Variants in DDX54 observed in about 807,000 individuals in gnomAD.
DDX54 encodes the protein ATP-dependent RNA helicase DDX54.
DDX54 carries 67 observed loss-of-function variants against 105.5 expected under a neutral mutation model. The ratio of observed to expected loss-of-function variants is 0.64; its 90% CI spans 0.52 to 0.78. The LOEUF is 0.78. Among genes scored for constraint, DDX54 ranks in the 30% least tolerant of loss-of-function variants. DDX54 has a pLI of 0.00. For missense variants in DDX54, 1,206 were observed against 1,230.5 expected (o/e 0.98, Z 0.30); for synonymous variants, 514 against 509.9 (o/e 1.01, Z -0.11).
chr12:113,168,050 C>CT, intron 12 of DDX54: 1 of 432,642 alleles, frequency 2.3e-6, no homozygotes. Flanking sequence ...TGGCGCCCGA[C>CT]TGAGGCCTCC....
chr12:113,163,390 T>G lies in DDX54; in HGVS notation c.1939-116A>C. On this transcript the variant is annotated intron_variant, in intron 15 of 19. Coordinates refer to ENST00000306014, the MANE Select transcript of DDX54 (RefSeq NM_024072.4). The surrounding 1 kb of genome is among the most constrained non-coding windows in gnomAD (Gnocchi z 5.9). ...AGGGGCCAGTGGCTTCTCGGGGACT[T>G]TCAAAGCTTCATTTTGCCATTTCTT... The G allele has an allele frequency of 7.0e-7, 1 of 1,434,684 alleles. No individual in the cohort carries two copies. The highest frequency in any genetic ancestry group is 9.2e-7 in the Non-Finnish European group (1 of 1,084,068). The allele number at this position is 1,434,684 out of a possible 1,614,324, so 88.9% of individuals were successfully genotyped here. A position where few individuals can be genotyped will look rare whatever the true frequency, so the allele number is the denominator to read the frequency against.
intron 12 of DDX54, chr12:113,167,877 C>CAGGCCCTGGGA (rs1952294935): frequency 2.2e-5 from 11 of 494,058 alleles, no homozygotes; most frequent in South Asian, 1.5e-4. Context: ...TGGCCCTGGG[C>CAGGCCCTGGGA]GCAGGGTCCA....
chr12:113,180,528 CA>C (rs1245451135), intron 2 of DDX54, among the ~76,000 whole-genome samples: 1 of 152,174 alleles, frequency 6.6e-6, no homozygotes, highest in African/African-American at 2.4e-5. Flanking sequence ...TCGCACCCAG[CA>C]CTCATCTTGA....
chr12:113,169,212 G>C (rs961547905), intron 12 of DDX54, among the ~76,000 whole-genome samples: 5 of 151,826 alleles, frequency 3.3e-5, no homozygotes, highest in Admixed American at 3.3e-4. Context: ...GTTTAAAATA[G>C]AGGGATTAGC....
Position 113,162,943 on chromosome 12 carries a change from C to T in DDX54, c.2184G>A (p.Gln728=), listed in dbSNP as rs748376684. 1.5e-5 allele frequency: 24 copies of T among 1,599,098 alleles called. No individual in the cohort carries two copies. The highest frequency in any genetic ancestry group is 1.7e-5 in the Admixed American group (1 of 58,996). ...ACTCGATCACTCACCACTTGAGCTG[C>T]TGCCGGCCCCTCGTCAGGTTCTGGG... ...DEAQNLTRGR[Q]QLKWDRKKKR... is the part of the protein sequence containing the mutation. Residue 728 remains glutamine (Q), a synonymous_variant, in exon 17 of 20, where the codon CAG becomes CAA. Coordinates refer to ENST00000306014, the MANE Select transcript of DDX54 (RefSeq NM_024072.4).
Position 113,165,809 on chromosome 12 carries a change from G to A in DDX54, c.1638C>T (p.Pro546=), listed in dbSNP as rs138916850. 14 of 1,603,618 alleles carry A rather than the reference G, an allele frequency of 8.7e-6. No individual in the cohort carries two copies. The East Asian group carries it at 2.9e-4, about 33-fold the overall frequency. The part of the protein sequence containing the change: ...EMDLVGLGLH[P]LFSSRFEEEE... ...CCTTGTAGAAGGACTCACTGAAGAGGGGGTGCAGGCCCAGCCCCACAAGGT... is the reference window on the plus strand; with the variant it reads ...CCTTGTAGAAGGACTCACTGAAGAGAGGGTGCAGGCCCAGCCCCACAAGGT... The change falls in exon 13 of 20, where the codon CCC becomes CCT. Residue 546 remains proline (P), a synonymous_variant. Coordinates refer to ENST00000306014, the MANE Select transcript of DDX54 (RefSeq NM_024072.4).
In DDX54 at chr12:113,172,661, G is replaced by C. The variant is rs1952355349; in HGVS notation, c.1069-98C>G. 3 of 1,436,088 alleles carry C rather than the reference G, an allele frequency of 2.1e-6. No individual in the cohort carries two copies. In the Admixed American group the frequency reaches 6.0e-5, roughly 29 times the overall value. 89.0% of individuals were successfully genotyped at this position (1,436,088 alleles called of 1,614,324 possible). Reference sequence around the variant, plus strand: ...CGGGGGACGGGCACTGAGGTGCAGAGACAAGACCACGGGTTCTGGAGTCTG... The same window carrying C: ...CGGGGGACGGGCACTGAGGTGCAGACACAAGACCACGGGTTCTGGAGTCTG... On this transcript the variant is annotated intron_variant, in intron 10 of 19. Coordinates refer to ENST00000306014, the MANE Select transcript of DDX54 (RefSeq NM_024072.4).
intron 12 of DDX54, among the ~76,000 whole-genome samples, chr12:113,168,127 G>T (rs1043174619): frequency 1.3e-5 from 2 of 152,232 alleles, no homozygotes; most frequent in African/African-American, 4.8e-5. Flanking sequence ...CTGTGCCCTT[G>T]CATCTGACCC....
intron 19 of DDX54, 58 bp downstream of exon 19, chr12:113,161,212 A>C: frequency 6.9e-7 from 1 of 1,441,568 alleles, no homozygotes; most frequent in Non-Finnish European, 9.6e-7. Context: ...CGTTACCCTA[A>C]TCTGACCACA....
Position 113,169,950 on chromosome 12 carries a change from G to A in DDX54, c.1280-46C>T, listed in dbSNP as rs201813236. The A allele has an allele frequency of 1.7e-4, 274 of 1,606,634 alleles. 1 individual carries two copies. In the East Asian group the frequency reaches 4.3e-3, roughly 25 times the overall value. On this transcript the variant is annotated intron_variant, in intron 11 of 19. Transcript: ENST00000306014. ...AGCTTAATTAAGCAAAGAAGGACCCGGACCCAGCATGAGTTCCACAGGCCA... is the reference window on the plus strand; with the variant it reads ...AGCTTAATTAAGCAAAGAAGGACCCAGACCCAGCATGAGTTCCACAGGCCA...
At chr12:113,181,908 C>T (rs991094233) in intron 1 of DDX54, among the ~76,000 whole-genome samples, 8 of 151,882 alleles carry the variant, frequency 5.3e-5, no homozygotes, top group Non-Finnish European at 2.9e-5. Context: ...AATCCCAGCA[C>T]TGGGAGGCTG....
rs892654795 is a variant in DDX54, at chr12:113,165,919, G to A, written c.1528C>T (p.Arg510Cys). 23 of 1,613,648 alleles carry A rather than the reference G, an allele frequency of 1.4e-5. No individual in the cohort carries two copies. Among genetic ancestry groups the A allele is most frequent in the South Asian group, 5.5e-5 (5 of 91,090 alleles). Residue 510 changes from arginine (R) to cysteine (C), a missense_variant, in exon 13 of 20, where the codon CGC (arginine) becomes TGC (cysteine). Physicochemically the swap from Arg to Cys is radical, Grantham distance 180. Coordinates refer to ENST00000306014, the MANE Select transcript of DDX54 (RefSeq NM_024072.4). Reference protein sequence around the residue: ...EASLELRGLARVADNAQQQYV... With the variant: ...EASLELRGLACVADNAQQQYV... ...TGCTGCTGGGCGTTATCAGCAACGC[G>A]GGCCAGGCCCCGTAGCTCCAGCGAT...
intron 14 of DDX54, among the ~76,000 whole-genome samples, chr12:113,164,903 T>C (rs1386601493): frequency 6.6e-6 from 1 of 151,974 alleles, no homozygotes; most frequent in Non-Finnish European, 1.5e-5. Context: ...GGCATGCACC[T>C]GTAGTCCCAG....
chr12:113,167,762 T>C (rs1018165126), intron 12 of DDX54, among the ~76,000 whole-genome samples: 1 of 152,122 alleles, frequency 6.6e-6, no homozygotes, highest in Non-Finnish European at 1.5e-5. Context: ...GCCTGGACAT[T>C]GGGGGAGGCT....
rs908374961 is a variant in DDX54 at position 113,168,673 on chromosome 12, G to A, written c.1414+1097C>T. ...CGGCTGGGCACAGTGGCTCACGCCT[G>A]TAATTCCAGCACTTTGGGAGGCCGA... On this transcript the variant is annotated intron_variant, in intron 12 of 19. Coordinates refer to ENST00000306014, the MANE Select transcript of DDX54 (RefSeq NM_024072.4). 2.6e-5 allele frequency among the ~76,000 whole-genome samples: 4 copies of A among 152,138 alleles called. No individual in the cohort carries two copies. In the East Asian group the frequency reaches 5.8e-4, roughly 22 times the overall value.
At position 113,174,652 on chromosome 12, in the gene DDX54, C is replaced by T; in HGVS notation, c.1056G>A (p.Glu352=). The change falls in exon 10 of 20, where the codon GAG becomes GAA. Residue 352 remains glutamate, a synonymous_variant. Transcript: ENST00000306014. ...VVFVATKHHA[E]YLTELLTTQR... ...GGACCCTGCTCACCTCAGTGAGGTA[C>T]TCGGCGTGGTGCTTCGTGGCCACAA... 2 of 1,611,646 alleles carry T rather than the reference C, an allele frequency of 1.2e-6. No homozygotes were observed. Among genetic ancestry groups the T allele is most frequent in the Non-Finnish European group, 1.7e-6 (2 of 1,177,952 alleles).
Position 113,185,199 on chromosome 12 carries a change from C to G in DDX54, c.174+79G>C, listed in dbSNP as rs1307457029. ...ACACTCTGCGGAGCCCAATCCCCAG[C>G]TGGGGAAACTGAGGCCTCGAGGCGC... On this transcript the variant is annotated intron_variant, in intron 1 of 19. Coordinates refer to ENST00000306014, the MANE Select transcript of DDX54 (RefSeq NM_024072.4). The G allele has an allele frequency of 2.1e-6, 3 of 1,415,812 alleles. No homozygotes were observed. The Admixed American group carries it at 8.8e-5, about 42-fold the overall frequency. 87.7% of individuals were successfully genotyped at this position (1,415,812 alleles called of 1,614,324 possible).
chr12:113,185,408 G>C lies in DDX54; in HGVS notation c.44C>G (p.Ala15Gly), dbSNP rs1341013607. 6.5e-7 allele frequency: 1 copy of C among 1,538,508 alleles called. No homozygotes were observed. Among genetic ancestry groups the C allele is most frequent in the Non-Finnish European group, 8.7e-7 (1 of 1,145,098 alleles). The part of the protein sequence containing the change: ...KGPAAGPRSR[A>G]AMAQWRKKKG... ...CTTCTTCCTCCACTGGGCCATGGCA[G>C]CTCGCGACCGAGGTCCAGCCGCCGG... The change falls in exon 1 of 20, where the codon GCT becomes GGT. Residue 15 changes from alanine to glycine, a missense_variant. Around this residue, in one of 3 missense-constraint regions of DDX54, gnomAD observed 212 missense variants for 155.4 expected, o/e 1.36. Coordinates refer to ENST00000306014, the MANE Select transcript of DDX54 (RefSeq NM_024072.4).
At chr12:113,177,313 T>TGAAGA in intron 5 of DDX54, 1 of 554,014 alleles carries the variant, frequency 1.8e-6, no homozygotes, top group South Asian at 2.6e-5. Flanking sequence ...AGAGTTCCTC[T>TGAAGA]GAAGAGATGG....
Sources: gnomAD v4.1 joint callset for allele counts (sites outside exome capture counted in the v4.1 genomes callset) on GRCh38, gnomAD v4.1.1 for gene constraint, gnomAD v4.1.1 regional missense constraint, Gnocchi (gnomAD v3.1) non-coding constraint, MANE v1.5 for transcripts, NCBI Gene and HGNC (gene_info 2026-07-23, HGNC 2026-07-21) for gene names.